The following ADCY8 variants were observed in gnomAD, a reference collection of about 807,000 sequenced individuals.
The protein encoded by ADCY8 is adenylate cyclase type 8.
A neutral mutation model predicts 119.7 loss-of-function variants in ADCY8; 51 were observed. The ratio of observed to expected loss-of-function variants is 0.43; its 90% CI spans 0.34 to 0.54. The LOEUF is 0.54. Ranked by LOEUF, ADCY8 falls within the 20% of genes least tolerant of loss-of-function variation. ADCY8 has a pLI of 0.03. For missense variants in ADCY8, 1,383 were observed against 1,598.8 expected (o/e 0.87, Z 2.30); for synonymous variants, 665 against 651.0 (o/e 1.02, Z -0.33).
chr8:130,810,347 T>TACACACACACACACACACAC lies in ADCY8; in HGVS notation c.2913+3702_2913+3721dup, dbSNP rs58781726. ...ATGACTCTGTCTTTCTCTCTTTTTC[T>TACACACACACACACACACAC]ACACACACACACACACACACACACA... On this transcript the variant is annotated intron_variant, in intron 14 of 17. Transcript: ENST00000286355. Among the ~76,000 whole-genome samples the TACACACACACACACACACAC allele has an allele frequency of 2.1e-5, 3 of 142,752 alleles. No individual in the cohort carries two copies. The East Asian group carries it at 6.3e-4, about 30-fold the overall frequency. The allele number at this position is 142,752 out of a possible 152,430, so 93.7% of individuals were successfully genotyped here.
At chr8:130,841,440 G>A (rs773225069) in intron 11 of ADCY8, among the ~76,000 whole-genome samples, 21 of 152,086 alleles carry the variant, frequency 1.4e-4, no homozygotes, top group Admixed American at 1.3e-3. Flanking sequence ...AGGTGTTAAG[G>A]GCAGCAACAA....
chr8:130,951,937 G>C lies in ADCY8; in HGVS notation c.1172C>G (p.Thr391Ser). The change falls in exon 3 of 18, where the codon ACC becomes AGC. Residue 391 changes from threonine (T) to serine (S), a missense_variant. Physicochemically the swap from Thr to Ser is moderately conservative, Grantham distance 58. Coordinates refer to ENST00000286355, the MANE Select transcript of ADCY8 (RefSeq NM_001115.3). Reference protein sequence around the residue: ...FVVLEMINDMTNVEDEHLQHQ... With the variant: ...FVVLEMINDMSNVEDEHLQHQ... Reference sequence around the variant, plus strand: ...CTGCAGGTGCTCATCTTCCACATTGGTCATGTCGTTGATCATTTCCAGGAC... The same window carrying C: ...CTGCAGGTGCTCATCTTCCACATTGCTCATGTCGTTGATCATTTCCAGGAC... 1 of 1,614,094 alleles carries C rather than the reference G, an allele frequency of 6.2e-7. No individual in the cohort carries two copies. Among genetic ancestry groups the C allele is most frequent in the Non-Finnish European group, 8.5e-7 (1 of 1,180,008 alleles).
At chr8:130,852,653 A>G (rs1817571224) in intron 9 of ADCY8, among the ~76,000 whole-genome samples, 1 of 152,158 alleles carries the variant, frequency 6.6e-6, no homozygotes, top group Non-Finnish European at 1.5e-5. Context: ...TCAAATTCTT[A>G]CATGGCCACC....
chr8:130,909,266 A>G (rs1160824905), intron 6 of ADCY8, among the ~76,000 whole-genome samples: 1 of 152,220 alleles, frequency 6.6e-6, no homozygotes, highest in Non-Finnish European at 1.5e-5. Context: ...TTGAGTTTCT[A>G]AGGAAGAGCC....
intron 2 of ADCY8, among the ~76,000 whole-genome samples, chr8:130,961,928 T>G (rs2130684901): frequency 6.6e-6 from 1 of 152,262 alleles, no homozygotes; most frequent in African/African-American, 2.4e-5. Flanking sequence ...CGAGCTATGA[T>G]CATGCCACCG....
chr8:130,821,790 TTCCCAGCTTATACTG>T (rs1482779356), intron 12 of ADCY8, among the ~76,000 whole-genome samples: 2 of 152,190 alleles, frequency 1.3e-5, no homozygotes, highest in East Asian at 3.8e-4. Flanking sequence ...TAAAAAAACC[TTCCCAGCTTATACTG>T]GGCCAGGCAC....
rs923285017 is a variant in ADCY8 at position 131,040,364 on chromosome 8, A to C, written c.-31T>G. 1 of 1,460,838 alleles carries C rather than the reference A, an allele frequency of 6.8e-7. No homozygotes were observed. The highest frequency in any genetic ancestry group is 1.5e-5 in the African/African-American group (1 of 68,812). The allele number at this position is 1,460,838 out of a possible 1,614,324, so 90.5% of individuals were successfully genotyped here. A position where few individuals can be genotyped will look rare whatever the true frequency, so the allele number is the denominator to read the frequency against. ...TGGGCCGCAGGGAAGGAGGCCCAGA[A>C]CCTTGGGGAGGCAGCCGGAGGAGGG... is the stretch of plus-strand genomic sequence containing the variant. On this transcript the variant is annotated 5_prime_UTR_variant, in exon 1 of 18. Transcript: ENST00000286355.
At chr8:130,866,578 T>C (rs1227062483) in intron 9 of ADCY8, among the ~76,000 whole-genome samples, 1 of 152,226 alleles carries the variant, frequency 6.6e-6, no homozygotes, top group African/African-American at 2.4e-5. Context: ...CCAGAGCAGT[T>C]TTCCAAATGG....
intron 5 of ADCY8, among the ~76,000 whole-genome samples, chr8:130,915,759 C>T (rs1820106687): frequency 6.6e-6 from 1 of 152,206 alleles, no homozygotes; most frequent in Non-Finnish European, 1.5e-5. Context: ...GAATTGATCA[C>T]TTTACCTACC....
At chr8:130,943,605 G>A in intron 3 of ADCY8, 143 bp from the exon 4 acceptor site, 2 of 611,670 alleles carry the variant, frequency 3.3e-6, no homozygotes, top group Non-Finnish European at 2.9e-6. Flanking sequence ...TGAGAGTCAG[G>A]AGGAATGTCT....
chr8:130,810,348 ACAC>A (rs1816124225), intron 14 of ADCY8, among the ~76,000 whole-genome samples: 10 of 5,650 alleles, frequency 1.8e-3, no homozygotes, highest in Admixed American at 0.013. Context: ...CTCTTTTTCT[ACAC>A]ACACACACAC....
chr8:130,921,449 CTTTT>C (rs35570520), intron 5 of ADCY8, among the ~76,000 whole-genome samples: 2 of 107,652 alleles, frequency 1.9e-5, no homozygotes, highest in Non-Finnish European at 3.9e-5. Context: ...TTTTTCTTTT[CTTTT>C]TTTTTTTTTT....
intron 5 of ADCY8, among the ~76,000 whole-genome samples, chr8:130,911,799 T>A (rs1336349671): frequency 6.6e-6 from 1 of 151,076 alleles, no homozygotes; most frequent in East Asian, 1.9e-4. Context: ...AATATAATTT[T>A]ATTAGATATG....
At chr8:130,894,743 A>G (rs1019193626) in intron 7 of ADCY8, among the ~76,000 whole-genome samples, 1 of 152,162 alleles carries the variant, frequency 6.6e-6, no homozygotes, top group Non-Finnish European at 1.5e-5. Context: ...GGCCAACAAA[A>G]ATATCCGTTA....
chr8:130,901,815 T>C (rs1201447976), intron 7 of ADCY8, among the ~76,000 whole-genome samples: 3 of 152,094 alleles, frequency 2.0e-5, no homozygotes, highest in Admixed American at 2.0e-4. Flanking sequence ...CACAGATGGG[T>C]TACATCCAGG....
intron 14 of ADCY8, among the ~76,000 whole-genome samples, chr8:130,812,964 T>C (rs74325295): frequency 1.3e-5 from 2 of 151,766 alleles, no homozygotes; most frequent in Non-Finnish European, 2.9e-5. Context: ...TTTTTTTTTT[T>C]TGAGATGGAT....
intron 7 of ADCY8, among the ~76,000 whole-genome samples, chr8:130,891,474 C>T (rs910389083): frequency 1.3e-5 from 2 of 152,048 alleles, no homozygotes; most frequent in African/African-American, 2.4e-5. Flanking sequence ...ATATGATATA[C>T]GAATATGTTG....
intron 1 of ADCY8, among the ~76,000 whole-genome samples, chr8:131,016,903 C>G (rs761170291): frequency 6.6e-6 from 1 of 152,090 alleles, no homozygotes; most frequent in Non-Finnish European, 1.5e-5. Flanking sequence ...AGAACACAAA[C>G]TAGCAGACAG....
chr8:130,928,326 G>T (rs1386284197), intron 5 of ADCY8, among the ~76,000 whole-genome samples: 1 of 152,086 alleles, frequency 6.6e-6, no homozygotes, highest in African/African-American at 2.4e-5. Flanking sequence ...TCCCACCTTG[G>T]CCTCACAATG....
Sources: gnomAD v4.1 joint callset for allele counts (sites outside exome capture counted in the v4.1 genomes callset) on GRCh38, gnomAD v4.1.1 for gene constraint, MANE v1.5 for transcripts, NCBI Gene and HGNC (gene_info 2026-07-23, HGNC 2026-07-21) for gene names.